EFCAB11: variants seen among roughly 807,000 people sequenced by gnomAD.
EFCAB11 encodes the protein EF-hand calcium-binding domain-containing protein 11.
In EFCAB11, 14 loss-of-function variants were observed where a neutral mutation model predicts 23.0. The ratio of observed to expected loss-of-function variants is 0.61; its 90% CI spans 0.40 to 0.95. The LOEUF (loss-of-function observed/expected upper bound fraction) is 0.95. EFCAB11 is among the 40% of genes least tolerant of loss of function. The pLI is 0.00. For synonymous variants in EFCAB11, 65 were observed against 66.6 expected, an observed-to-expected ratio of 0.98 and a Z score of 0.11; for missense variants, 198 against 195.8, an observed-to-expected ratio of 1.01 and a Z score of -0.07.
chr14:89,923,079 A>C (rs1890071271), intron 5 of EFCAB11, among the ~76,000 whole-genome samples: 1 of 152,210 alleles, frequency 6.6e-6, no homozygotes, highest in Non-Finnish European at 1.5e-5. Flanking sequence ...TAAATGAAGA[A>C]ACCAAAATAA....
intron 5 of EFCAB11, among the ~76,000 whole-genome samples, chr14:89,841,453 A>C (rs1485096821): frequency 3.7e-5 from 4 of 109,404 alleles, no homozygotes; most frequent in Admixed American, 1.0e-4. Context: ...TCCCCGCCGC[A>C]CCCCCAGTCT....
chr14:89,888,905 G>A (rs976182514), intron 5 of EFCAB11, among the ~76,000 whole-genome samples: 9 of 152,144 alleles, frequency 5.9e-5, no homozygotes, highest in East Asian at 1.9e-4. Context: ...AAACCATGGC[G>A]CTGTGATACT....
chr14:89,911,082 C>T lies in EFCAB11; in HGVS notation c.410+20459G>A, dbSNP rs553303849. Among the ~76,000 whole-genome samples the T allele has an allele frequency of 5.9e-5, 9 of 152,204 alleles. No individual in the cohort carries two copies. The South Asian group carries it at 1.9e-3, about 32-fold the overall frequency. On this transcript the variant is annotated intron_variant, in intron 5 of 5. Coordinates refer to ENST00000316738, the MANE Select transcript of EFCAB11 (RefSeq NM_145231.4). The stretch of plus-strand genomic sequence containing the variant: ...TCCAAGACTACTCATTTTGTGAGAG[C>T]TTAAAGCAAACAACTTTTAGCAGTA...
chr14:89,821,015 A>G (rs1360665941), intron 5 of EFCAB11, among the ~76,000 whole-genome samples: 1 of 152,118 alleles, frequency 6.6e-6, no homozygotes, highest in African/African-American at 2.4e-5. Context: ...TCCTGGGATC[A>G]AATGCCTGGC....
chr14:89,909,356 T>C (rs1596447442), intron 5 of EFCAB11, among the ~76,000 whole-genome samples: 1 of 152,182 alleles, frequency 6.6e-6, no homozygotes, highest in African/African-American at 2.4e-5. Flanking sequence ...GGTGGGCGGA[T>C]CACCTATGGC....
chr14:89,916,027 G>C (rs1410063589), intron 5 of EFCAB11, among the ~76,000 whole-genome samples: 1 of 151,952 alleles, frequency 6.6e-6, no homozygotes, highest in Non-Finnish European at 1.5e-5. Flanking sequence ...CCAGTATCAA[G>C]AGAGCAGAGC....
At chr14:89,945,120 C>G (rs886135524) in intron 3 of EFCAB11, among the ~76,000 whole-genome samples, 3 of 151,646 alleles carry the variant, frequency 2.0e-5, no homozygotes, top group African/African-American at 7.3e-5. Context: ...TTTCCCCCCC[C>G]ACTCAGTGTG....
chr14:89,931,629 G>C lies in EFCAB11; in HGVS notation c.322C>G (p.Arg108Gly), dbSNP rs757985158. 1 of 1,612,818 alleles carries C rather than the reference G, an allele frequency of 6.2e-7. No individual in the cohort carries two copies. The highest frequency in any genetic ancestry group is 1.7e-5 in the Admixed American group (1 of 59,858). Reference protein sequence around the residue: ...HIFTAFDTYYRGFLTLEDFKK... With the variant: ...HIFTAFDTYYGGFLTLEDFKK... ...AAATCTTCCAAAGTTAAAAATCCAC[G>C]ATCTATTTGAAAACAATAAAAAATA... The change falls in exon 5 of 6, where the codon CGT (arginine) becomes GGT (glycine). Residue 108 changes from arginine (R) to glycine (G), a missense_variant and splice_region_variant. Coordinates refer to ENST00000316738, the MANE Select transcript of EFCAB11 (RefSeq NM_145231.4).
At chr14:89,912,446 G>A (rs891561534) in intron 5 of EFCAB11, among the ~76,000 whole-genome samples, 1 of 152,012 alleles carries the variant, frequency 6.6e-6, no homozygotes, top group African/African-American at 2.4e-5. Flanking sequence ...AAACACTGGG[G>A]GACCCTCAGG....
At chr14:89,811,767 T>G (rs978790526) in intron 5 of EFCAB11, among the ~76,000 whole-genome samples, 7 of 152,334 alleles carry the variant, frequency 4.6e-5, no homozygotes, top group African/African-American at 1.7e-4. Flanking sequence ...AGCCCAATGA[T>G]GGCCATTTTG....
chr14:89,936,714 A>G (rs951441769), intron 3 of EFCAB11, among the ~76,000 whole-genome samples: 1 of 152,208 alleles, frequency 6.6e-6, no homozygotes, highest in Non-Finnish European at 1.5e-5. Flanking sequence ...CTCGGCTCTC[A>G]TGTTGTAGTA....
At chr14:89,914,802 A>G (rs1236505514) in intron 5 of EFCAB11, among the ~76,000 whole-genome samples, 2 of 152,086 alleles carry the variant, frequency 1.3e-5, no homozygotes, top group African/African-American at 2.4e-5. Context: ...AAAAAAAAAA[A>G]AGAGAGAGAC....
At chr14:89,916,093 C>G (rs183364647) in intron 5 of EFCAB11, among the ~76,000 whole-genome samples, 81 of 151,926 alleles carry the variant, frequency 5.3e-4, no homozygotes, top group African/African-American at 1.9e-3. Context: ...AAATAAATAC[C>G]CCTGAAGAAC....
chr14:89,860,892 G>T (rs550129285), intron 5 of EFCAB11, among the ~76,000 whole-genome samples: 2 of 152,286 alleles, frequency 1.3e-5, no homozygotes, highest in South Asian at 2.1e-4. Context: ...AGTGACTGAA[G>T]GATCTTGTTT....
chr14:89,883,938 C>T (rs1009062072), intron 5 of EFCAB11, among the ~76,000 whole-genome samples: 4 of 152,024 alleles, frequency 2.6e-5, no homozygotes, highest in African/African-American at 7.3e-5. Flanking sequence ...CTAGCCTGGG[C>T]AACAGAGTGA....
chr14:89,948,155 T>G (rs559821123), intron 3 of EFCAB11, among the ~76,000 whole-genome samples: 2 of 152,288 alleles, frequency 1.3e-5, no homozygotes, highest in East Asian at 1.9e-4. Context: ...AATTTCCCTG[T>G]GATAAACATA....
intron 5 of EFCAB11, among the ~76,000 whole-genome samples, chr14:89,839,812 A>G (rs1887200296): frequency 6.7e-6 from 1 of 149,488 alleles, no homozygotes; most frequent in South Asian, 2.2e-4. Flanking sequence ...GGAAGGGGGG[A>G]GGTGCTTCAT....
intron 5 of EFCAB11, among the ~76,000 whole-genome samples, chr14:89,810,617 A>G (rs920125861): frequency 2.0e-5 from 3 of 152,026 alleles, no homozygotes; most frequent in Non-Finnish European, 2.9e-5. Flanking sequence ...TTAGCCAGGT[A>G]TGGTGGCGGG....
At chr14:89,870,939 CAAAACAAAAACA>C (rs546217128) in intron 5 of EFCAB11, among the ~76,000 whole-genome samples, 2 of 152,042 alleles carry the variant, frequency 1.3e-5, no homozygotes, top group Non-Finnish European at 2.9e-5. Context: ...GATTTTGTCT[CAAAACAAAAACA>C]AAAACAAAAA....
Sources: allele counts gnomAD v4.1 joint callset (sites outside exome capture counted in the v4.1 genomes callset), GRCh38; gene constraint gnomAD v4.1.1; transcripts MANE v1.5; gene names NCBI Gene and HGNC (gene_info 2026-07-23, HGNC 2026-07-21).